DGKH: variants seen among roughly 807,000 people sequenced by gnomAD.
DGKH encodes diacylglycerol kinase eta.
DGKH carries 90 observed loss-of-function variants against 159.3 expected under a neutral mutation model. That is an observed-to-expected ratio of 0.57 (90% CI 0.48 to 0.67). The LOEUF is 0.67. Among genes scored for constraint, DGKH ranks in the 30% least tolerant of loss-of-function variants. The probability of loss-of-function intolerance (pLI) is 0.00; values close to 1 mark genes in which losing one functional copy is unlikely to be tolerated. For missense variants in DGKH, 1,181 were observed against 1,506.1 expected (o/e 0.78, Z 3.57); for synonymous variants, 536 against 553.8 (o/e 0.97, Z 0.45).
chr13:42,040,712 C>T (rs1178496920), intron 1 of DGKH, among the ~76,000 whole-genome samples: 1 of 149,410 alleles, frequency 6.7e-6, no homozygotes, highest in African/African-American at 2.4e-5. Context: ...CGGCGGAAGC[C>T]GGAGACGGCG....
intron 17 of DGKH, 139 bp from the exon 18 acceptor site, chr13:42,198,339 G>A (rs1957255815): frequency 3.2e-6 from 2 of 620,990 alleles, no homozygotes; most frequent in African/African-American, 3.8e-5. Flanking sequence ...TTTCATTAAT[G>A]AGAAGAGTAG....
At chr13:42,205,108 A>C (rs1366335487) in intron 20 of DGKH, among the ~76,000 whole-genome samples, 1 of 152,162 alleles carries the variant, frequency 6.6e-6, no homozygotes, top group Non-Finnish European at 1.5e-5. Flanking sequence ...TTTAGGTGTG[A>C]CATCTGTAAG....
intron 1 of DGKH, among the ~76,000 whole-genome samples, chr13:42,104,927 CA>C (rs969984633): frequency 6.6e-6 from 1 of 151,540 alleles, no homozygotes; most frequent in Non-Finnish European, 1.5e-5. Context: ...ATAGACATTA[CA>C]AAAAAAAGTT....
At chr13:42,185,914 A>G (rs1956908584) in intron 13 of DGKH, among the ~76,000 whole-genome samples, 1 of 152,174 alleles carries the variant, frequency 6.6e-6, no homozygotes, top group South Asian at 2.1e-4. Context: ...AAAAAATAAT[A>G]AAACAAAAAT....
chr13:42,050,629 C>A (rs1881205908), intron 1 of DGKH, among the ~76,000 whole-genome samples: 1 of 151,910 alleles, frequency 6.6e-6, no homozygotes. Flanking sequence ...TTTAATATTT[C>A]AAATCTTAAT....
At position 42,074,904 on chromosome 13, in the gene DGKH, A is replaced by G. The variant is rs139853849; in HGVS notation, c.192+25939A>G. Among the ~76,000 whole-genome samples the G allele has an allele frequency of 7.9e-5, 12 of 152,288 alleles. No individual in the cohort carries two copies. The East Asian group carries it at 2.3e-3, about 29-fold the overall frequency. ...GAATTGGAATTTGAAAGTGTGTGCC[A>G]CTCATGAAATAAGGGTTACGTGGGG... On this transcript the variant is annotated intron_variant, in intron 1 of 29. Transcript: ENST00000337343.
rs568191493 is a variant in DGKH at position 42,215,120 on chromosome 13, A to T, written c.3121-455A>T. Among the ~76,000 whole-genome samples the T allele has an allele frequency of 2.6e-5, 4 of 152,116 alleles. No homozygotes were observed. The South Asian group carries it at 8.3e-4, about 32-fold the overall frequency. ...TAGAATATAACTCTTAAAATGTGCC[A>T]CATGGTACAATGCTATAGTATGGAG... is the stretch of plus-strand genomic sequence containing the variant. On this transcript the variant is annotated intron_variant, in intron 25 of 29. Transcript: ENST00000337343.
chr13:42,112,507 T>G (rs77001379), intron 1 of DGKH, among the ~76,000 whole-genome samples: 1,985 of 152,276 alleles, frequency 0.013, 33 homozygotes, highest in East Asian at 0.078. Flanking sequence ...CATCCCAGAA[T>G]GGGGAGGCTG....
intron 11 of DGKH, among the ~76,000 whole-genome samples, chr13:42,169,921 A>G (rs1956403158): frequency 6.6e-6 from 1 of 152,198 alleles, no homozygotes. Flanking sequence ...AAGAAAAGGA[A>G]TGAAAAAGAG....
chr13:42,243,457 T>TA (rs1254240619), downstream of DGKH, among the ~76,000 whole-genome samples: 1 of 152,194 alleles, frequency 6.6e-6, no homozygotes, highest in Non-Finnish European at 1.5e-5. Flanking sequence ...AACCACTCGT[T>TA]AAAAGTCCAG....
chr13:42,242,958 GAC>G (rs1424442031), downstream of DGKH: 1 of 152,282 alleles, frequency 6.6e-6, no homozygotes, highest in African/African-American at 2.4e-5. Flanking sequence ...TTAATTTTGA[GAC>G]AATTGTAGAT....
chr13:42,254,190 T>A (rs1958641042), intron 30 of DGKH, among the ~76,000 whole-genome samples: 1 of 152,158 alleles, frequency 6.6e-6, no homozygotes, highest in African/African-American at 2.4e-5. Context: ...AATAGAGGAA[T>A]GTTCAAAATG....
At chr13:42,137,351 T>C (rs1955422362) in intron 3 of DGKH, among the ~76,000 whole-genome samples, 1 of 152,230 alleles carries the variant, frequency 6.6e-6, no homozygotes, top group Admixed American at 6.5e-5. Context: ...TATATTTCTG[T>C]TCTGAATGCT....
intron 20 of DGKH, among the ~76,000 whole-genome samples, chr13:42,205,169 TC>T (rs1289450554): frequency 2.0e-5 from 3 of 152,190 alleles, no homozygotes; most frequent in African/African-American, 7.2e-5. Flanking sequence ...ATTTAAATGT[TC>T]ACTTAGAAAA....
chr13:42,191,283 A>G (rs12854149), intron 16 of DGKH, among the ~76,000 whole-genome samples: 18,132 of 152,210 alleles, frequency 0.12, 1,537 homozygotes, highest in East Asian at 0.4. Flanking sequence ...ATGAAAAGTC[A>G]GCACAATTAT....
chr13:42,201,889 T>C (rs1189286415), intron 20 of DGKH, among the ~76,000 whole-genome samples: 2 of 152,206 alleles, frequency 1.3e-5, no homozygotes, highest in Non-Finnish European at 2.9e-5. Flanking sequence ...CTGAAACATC[T>C]ATAACGTAAT....
At chr13:42,255,528 A>G (rs1263908959) in intron 30 of DGKH, among the ~76,000 whole-genome samples, 1 of 152,208 alleles carries the variant, frequency 6.6e-6, no homozygotes, top group African/African-American at 2.4e-5. Context: ...ACATTATTGT[A>G]GAGGACAAAA....
intron 3 of DGKH, among the ~76,000 whole-genome samples, chr13:42,135,107 A>G (rs1955372822): frequency 1.3e-5 from 2 of 152,170 alleles, no homozygotes; most frequent in South Asian, 4.2e-4. Context: ...ACTTACTAAC[A>G]ATGAAAGTAT....
intron 12 of DGKH, 139 bp from the exon 13 acceptor site, chr13:42,177,996 A>G (rs1956647562): frequency 2.3e-6 from 1 of 438,478 alleles, no homozygotes; most frequent in Non-Finnish European, 3.9e-6. Flanking sequence ...ATTTTGCATG[A>G]TGACTCTTTC....
Sources: allele counts gnomAD v4.1 joint callset (sites outside exome capture counted in the v4.1 genomes callset), GRCh38; gene constraint gnomAD v4.1.1; transcripts MANE v1.5; gene names NCBI Gene and HGNC (gene_info 2026-07-23, HGNC 2026-07-21).